The following VWA8 variants were observed in gnomAD, a reference collection of about 807,000 sequenced individuals.
VWA8 encodes von Willebrand factor A domain containing 8.
In VWA8, 221 loss-of-function variants were observed where a neutral mutation model predicts 241.5. The ratio of observed to expected loss-of-function variants is 0.91; its 90% CI spans 0.82 to 1.02. VWA8 has a LOEUF of 1.02. Ranked by LOEUF, VWA8 falls within the 50% of genes least tolerant of loss-of-function variation. VWA8 has a pLI of 0.00. For missense variants in VWA8, 2,322 were observed against 2,328.7 expected (o/e 1.00, Z 0.06); for synonymous variants, 852 against 827.1 (o/e 1.03, Z -0.52).
chr13:41,871,560 G>GT, intron 9 of VWA8, among the ~76,000 whole-genome samples: 1 of 151,994 alleles, frequency 6.6e-6, no homozygotes, highest in Non-Finnish European at 1.5e-5. Context: ...GCGGTGTTTG[G>GT]TTTTTTGTTC....
At chr13:41,694,530 A>G (rs113875172) in intron 29 of VWA8, among the ~76,000 whole-genome samples, 9 of 152,182 alleles carry the variant, frequency 5.9e-5, no homozygotes, top group South Asian at 2.1e-4. Context: ...AATGGTAATG[A>G]TATCTTAGAG....
chr13:41,621,117 A>T (rs1393283376), intron 37 of VWA8, among the ~76,000 whole-genome samples: 3 of 152,342 alleles, frequency 2.0e-5, no homozygotes, highest in Non-Finnish European at 2.9e-5. Flanking sequence ...CAATACACAC[A>T]TTCAATAGAA....
intron 37 of VWA8, among the ~76,000 whole-genome samples, chr13:41,647,013 T>C (rs1191860669): frequency 1.3e-5 from 2 of 152,214 alleles, no homozygotes; most frequent in Non-Finnish European, 2.9e-5. Context: ...CATAGGAAGC[T>C]ACAAAGAGAA....
intron 21 of VWA8, among the ~76,000 whole-genome samples, chr13:41,739,848 G>T (rs796954190): frequency 0.017 from 855 of 50,448 alleles, 14 homozygotes; most frequent in Non-Finnish European, 0.023. Context: ...TGTTTTTTTT[G>T]TTTTTTTTGT....
chr13:41,882,670 G>A (rs1437869818), intron 9 of VWA8, among the ~76,000 whole-genome samples: 15 of 152,196 alleles, frequency 9.9e-5, no homozygotes, highest in Admixed American at 2.0e-4. Context: ...CAGGCGTGGC[G>A]TCGCGCGCCT....
chr13:41,699,947 G>A (rs571557911), intron 28 of VWA8, among the ~76,000 whole-genome samples: 1 of 152,174 alleles, frequency 6.6e-6, no homozygotes, highest in African/African-American at 2.4e-5. Context: ...GGTTTGGGGT[G>A]GGGTTTCAGA....
chr13:41,883,474 C>T lies in VWA8; in HGVS notation c.993G>A (p.Met331Ile). Residue 331 changes from methionine to isoleucine, a missense_variant, in exon 9 of 45, where the codon ATG (methionine) becomes ATA (isoleucine). Physicochemically the swap from Met to Ile is conservative, Grantham distance 10. Coordinates refer to ENST00000379310, the MANE Select transcript of VWA8 (RefSeq NM_015058.2). Reference sequence around the variant, plus strand: ...GCCACTGGATTGCATGTTTGATTGGCATCATAGGAAAGGAATCCTATGTAG... The same window carrying T: ...GCCACTGGATTGCATGTTTGATTGGTATCATAGGAAAGGAATCCTATGTAG... ...AVQILDSFPMMPIKHAIQWLY... is the reference protein window; with the variant it reads ...AVQILDSFPMIPIKHAIQWLY... The T allele has an allele frequency of 6.2e-7, 1 of 1,613,046 alleles. No individual in the cohort carries two copies. Among genetic ancestry groups the T allele is most frequent in the Non-Finnish European group, 8.5e-7 (1 of 1,179,394 alleles).
intron 21 of VWA8, among the ~76,000 whole-genome samples, chr13:41,749,673 C>T (rs1356231840): frequency 1.3e-5 from 2 of 152,034 alleles, no homozygotes; most frequent in Non-Finnish European, 2.9e-5. Context: ...TACTATGCAG[C>T]CATAAAAAAT....
intron 21 of VWA8, among the ~76,000 whole-genome samples, chr13:41,742,925 GAGA>G (rs1231775093): frequency 2.0e-5 from 3 of 152,204 alleles, no homozygotes; most frequent in South Asian, 2.1e-4. Context: ...TCTGCTTGTG[GAGA>G]AGAAGAGGAA....
intron 40 of VWA8, 146 bp downstream of exon 40, chr13:41,605,022 G>A: frequency 1.5e-6 from 1 of 666,896 alleles, no homozygotes; most frequent in Non-Finnish European, 2.5e-6. Flanking sequence ...AAAGCCATGG[G>A]ATAGTCCAGT....
intron 21 of VWA8, among the ~76,000 whole-genome samples, chr13:41,745,442 T>G (rs929482403): frequency 2.0e-5 from 3 of 151,942 alleles, no homozygotes; most frequent in Admixed American, 2.0e-4. Context: ...GGGAGAAAAT[T>G]TTTGCAATTT....
intron 24 of VWA8, 75 bp from the exon 25 acceptor site, chr13:41,721,650 G>A: frequency 6.9e-7 from 1 of 1,455,870 alleles, no homozygotes; most frequent in Non-Finnish European, 9.2e-7. Flanking sequence ...TGGAATGGTT[G>A]TTTAAAGAGC....
chr13:41,747,345 A>G (rs1359250466), intron 21 of VWA8, among the ~76,000 whole-genome samples: 1 of 152,032 alleles, frequency 6.6e-6, no homozygotes, highest in Non-Finnish European at 1.5e-5. Context: ...TAGGTATTTT[A>G]TTCTCTTTGA....
At chr13:41,617,473 A>ATTTAT (rs2044628516) in intron 37 of VWA8, among the ~76,000 whole-genome samples, 1 of 151,972 alleles carries the variant, frequency 6.6e-6, no homozygotes, top group African/African-American at 2.4e-5. Context: ...TAAAGACACA[A>ATTTAT]TTTATTTTTA....
rs2044828658 is a variant in VWA8, at chr13:41,645,894, T to C, written c.4611+25052A>G. On this transcript the variant is annotated intron_variant, in intron 37 of 44. Coordinates refer to ENST00000379310, the MANE Select transcript of VWA8 (RefSeq NM_015058.2). ...AAGTGCATCTGAAAGAAGAAAGGTA[T>C]TTCCAGGAGGGCAAAGAAGAGAATG... is the stretch of plus-strand genomic sequence containing the variant. Among the ~76,000 whole-genome samples the C allele has an allele frequency of 2.0e-5, 3 of 152,170 alleles. No homozygotes were observed. The South Asian group carries it at 6.2e-4, about 31-fold the overall frequency.
rs145542619 is a variant in VWA8, at chr13:41,682,574, C to G, written c.4327+2473G>C. ...CCAGCCTGGGCAACATGGCAAAACCCTGTCTCTACAAAAAAATACAAAAAT... is the reference window on the plus strand; with the variant it reads ...CCAGCCTGGGCAACATGGCAAAACCGTGTCTCTACAAAAAAATACAAAAAT... On this transcript the variant is annotated intron_variant, in intron 35 of 44. Transcript: ENST00000379310. 9.2e-5 allele frequency among the ~76,000 whole-genome samples: 14 copies of G among 152,240 alleles called. No individual in the cohort carries two copies. The East Asian group carries it at 2.5e-3, about 27-fold the overall frequency.
intron 44 of VWA8, among the ~76,000 whole-genome samples, chr13:41,569,499 G>T (rs184162838): frequency 8.3e-4 from 126 of 152,214 alleles, no homozygotes; most frequent in African/African-American, 2.9e-3. Context: ...TCTCAACCTC[G>T]CTCTGCAACC....
intron 39 of VWA8, among the ~76,000 whole-genome samples, chr13:41,608,648 T>C (rs1181811276): frequency 1.3e-5 from 2 of 152,226 alleles, no homozygotes; most frequent in Non-Finnish European, 2.9e-5. Context: ...AGATCCACTG[T>C]GTGAGGCTGA....
chr13:41,841,613 C>T (rs1237314448), intron 12 of VWA8, among the ~76,000 whole-genome samples: 5 of 149,048 alleles, frequency 3.4e-5, no homozygotes, highest in African/African-American at 9.8e-5. Flanking sequence ...GGTGAAACCC[C>T]GTCTCTACTA....
Sources: allele counts gnomAD v4.1 joint callset (sites outside exome capture counted in the v4.1 genomes callset), GRCh38; gene constraint gnomAD v4.1.1; transcripts MANE v1.5; gene names NCBI Gene and HGNC (gene_info 2026-07-23, HGNC 2026-07-21).